The following BCAR3 variants were observed in gnomAD, a reference collection of about 807,000 sequenced individuals.
BCAR3 encodes the protein BCAR3 adaptor protein, NSP family member.
Under a neutral mutation model 80.1 loss-of-function variants are expected in BCAR3, and 37 were observed. That is an observed-to-expected ratio of 0.46 (90% CI 0.36 to 0.61). BCAR3 has a LOEUF of 0.61. Among genes scored for constraint, BCAR3 ranks in the 20% least tolerant of loss-of-function variants. The probability of loss-of-function intolerance (pLI) is 0.00; values close to 1 mark genes in which losing one functional copy is unlikely to be tolerated. For missense variants in BCAR3, 978 were observed against 1,068.2 expected (o/e 0.92, Z 1.18); for synonymous variants, 389 against 418.9 (o/e 0.93, Z 0.87).
intron 5 of BCAR3, chr1:93,584,917 T>G: frequency 2.1e-6 from 2 of 940,108 alleles, no homozygotes; most frequent in Non-Finnish European, 2.5e-6. Context: ...TTAATTGGCC[T>G]TCCCATAAGC....
chr1:93,750,406 A>G (rs1395698844), intron 2 of BCAR3, among the ~76,000 whole-genome samples: 1 of 152,230 alleles, frequency 6.6e-6, no homozygotes, highest in East Asian at 1.9e-4. Flanking sequence ...GGATCAAGTG[A>G]ATGTGCTTTT....
At chr1:93,628,533 G>C (rs1219907377) in intron 3 of BCAR3, among the ~76,000 whole-genome samples, 1 of 152,154 alleles carries the variant, frequency 6.6e-6, no homozygotes, top group African/African-American at 2.4e-5. Flanking sequence ...GTTCCTCCAT[G>C]GAAGAGGCGG....
chr1:93,818,432 TG>T (rs1226691485), intron 2 of BCAR3, among the ~76,000 whole-genome samples: 1 of 152,168 alleles, frequency 6.6e-6, no homozygotes, highest in Non-Finnish European at 1.5e-5. Context: ...ACCTCAGGAC[TG>T]GTCTGACTCA....
In BCAR3 at chr1:93,588,751, C is replaced by T. The variant is rs571375185; in HGVS notation, c.929+226G>A. 1.3e-4 allele frequency among the ~76,000 whole-genome samples: 20 copies of T among 152,112 alleles called. 1 individual carries two copies. In the South Asian group the frequency reaches 3.8e-3, roughly 29 times the overall value. Reference sequence around the variant, plus strand: ...AGTCTACCCCCTTCACAAGGTATCCCCATCAGCACCCCCCGAAATTCTTCC... The same window carrying T: ...AGTCTACCCCCTTCACAAGGTATCCTCATCAGCACCCCCCGAAATTCTTCC... On this transcript the variant is annotated intron_variant, in intron 5 of 11. Coordinates refer to ENST00000260502, the MANE Select transcript of BCAR3 (RefSeq NM_003567.4).
At chr1:93,681,898 G>C (rs1453824072), upstream of BCAR3, 2 of 152,200 alleles carry the variant, frequency 1.3e-5, no homozygotes, top group African/African-American at 4.8e-5. Flanking sequence ...GCCCCACCCC[G>C]GCGAGCCGAT....
intron 7 of BCAR3, among the ~76,000 whole-genome samples, chr1:93,580,642 A>G (rs1673667025): frequency 6.6e-6 from 1 of 152,230 alleles, no homozygotes; most frequent in South Asian, 2.1e-4. Context: ...TAAGTAATCT[A>G]GAGATGATTT....
intron 3 of BCAR3, among the ~76,000 whole-genome samples, chr1:93,602,906 A>C (rs143475990): frequency 8.1e-4 from 123 of 152,322 alleles, no homozygotes; most frequent in African/African-American, 2.7e-3. Context: ...ACTTGTGGCG[A>C]TCCTAAAGCC....
At chr1:93,839,889 A>T (rs75611402) in intron 2 of BCAR3, among the ~76,000 whole-genome samples, 107 of 152,246 alleles carry the variant, frequency 7.0e-4, no homozygotes, top group Non-Finnish European at 1.3e-3. Flanking sequence ...CACTGAGGGG[A>T]TCTTAGTAAA....
chr1:93,837,807 C>T (rs1654820758), intron 2 of BCAR3, among the ~76,000 whole-genome samples: 1 of 152,210 alleles, frequency 6.6e-6, no homozygotes, highest in African/African-American at 2.4e-5. Flanking sequence ...GGTACCAGCC[C>T]AGCAGAGTGG....
At chr1:93,616,297 G>C (rs1675124435) in intron 3 of BCAR3, among the ~76,000 whole-genome samples, 2 of 152,176 alleles carry the variant, frequency 1.3e-5, no homozygotes, top group African/African-American at 4.8e-5. Flanking sequence ...TTCTGAAGCA[G>C]CACTCAAAGG....
chr1:93,740,716 C>T (rs768348327), intron 2 of BCAR3, among the ~76,000 whole-genome samples: 9 of 152,122 alleles, frequency 5.9e-5, no homozygotes, highest in Non-Finnish European at 8.8e-5. Flanking sequence ...AGGGAAGAGG[C>T]GGCCTTTCCC....
At chr1:93,763,315 C>T (rs190273131) in intron 2 of BCAR3, among the ~76,000 whole-genome samples, 122 of 152,282 alleles carry the variant, frequency 8.0e-4, no homozygotes, top group Non-Finnish European at 1.3e-3. Context: ...CCTCCTGCCT[C>T]GGCCTCCCAA....
chr1:93,788,900 A>G (rs1653041473), intron 2 of BCAR3, among the ~76,000 whole-genome samples: 1 of 152,196 alleles, frequency 6.6e-6, no homozygotes, highest in Non-Finnish European at 1.5e-5. Context: ...ACAAGAACTT[A>G]GGCTAAAAGT....
At chr1:93,696,090 G>C (rs1649385959) in intron 3 of BCAR3, among the ~76,000 whole-genome samples, 1 of 151,368 alleles carries the variant, frequency 6.6e-6, no homozygotes, top group Admixed American at 6.6e-5. Context: ...GCCCAGGCTG[G>C]AGTGCAGTGG....
At chr1:93,786,530 T>C (rs1652953372) in intron 2 of BCAR3, among the ~76,000 whole-genome samples, 1 of 152,198 alleles carries the variant, frequency 6.6e-6, no homozygotes, top group Non-Finnish European at 1.5e-5. Context: ...TCAAAATAAA[T>C]GAATGTCATT....
intron 3 of BCAR3, among the ~76,000 whole-genome samples, chr1:93,634,704 A>C: frequency 7.7e-6 from 1 of 129,306 alleles, no homozygotes; most frequent in Admixed American, 7.0e-5. Flanking sequence ...CAAAACAACA[A>C]CAACAACAAC....
chr1:93,707,672 A>C (rs1649870766), intron 2 of BCAR3, among the ~76,000 whole-genome samples: 1 of 152,192 alleles, frequency 6.6e-6, no homozygotes, highest in South Asian at 2.1e-4. Flanking sequence ...GCACCACTGC[A>C]CTCCAGTCTG....
chr1:93,587,054 C>T (rs1039179681), intron 5 of BCAR3, among the ~76,000 whole-genome samples: 58 of 152,284 alleles, frequency 3.8e-4, no homozygotes, highest in African/African-American at 1.4e-3. Flanking sequence ...GGATTACAGG[C>T]GTGAGCCACC....
At chr1:93,831,420 A>G (rs1034396492) in intron 2 of BCAR3, among the ~76,000 whole-genome samples, 7 of 152,170 alleles carry the variant, frequency 4.6e-5, no homozygotes, top group African/African-American at 1.7e-4. Flanking sequence ...ACCCCAGTAC[A>G]AACTTGACAG....
Sources: gnomAD v4.1 joint callset for allele counts (sites outside exome capture counted in the v4.1 genomes callset) on GRCh38, gnomAD v4.1.1 for gene constraint, MANE v1.5 for transcripts, NCBI Gene and HGNC (gene_info 2026-07-23, HGNC 2026-07-21) for gene names.